SRBD1: variants seen among roughly 807,000 people sequenced by gnomAD.
SRBD1 encodes the protein S1 RNA-binding domain-containing protein 1.
A neutral mutation model predicts 115.3 loss-of-function variants in SRBD1; 88 were observed. The ratio of observed to expected loss-of-function variants is 0.76; its 90% CI spans 0.64 to 0.91. The LOEUF (loss-of-function observed/expected upper bound fraction) is 0.91. Ranked by LOEUF, SRBD1 falls within the 40% of genes least tolerant of loss-of-function variation. The pLI, the probability that SRBD1 is intolerant of heterozygous loss-of-function variation, is 0.00. For missense variants in SRBD1, 1,385 were observed against 1,177.4 expected, an observed-to-expected ratio of 1.18 and a Z score of -2.58; for synonymous variants, 509 against 407.7, an observed-to-expected ratio of 1.25 and a Z score of -2.99.
In SRBD1 at chr2:45,571,457, G is replaced by A. The variant is rs1430635556; in HGVS notation, c.1305+1750C>T. ...CAAGCAGCAACAACAAACAGGGGAG[G>A]GGAGAGAATCTGATTTCCAGAGTTA... On this transcript the variant is annotated intron_variant, in intron 9 of 20. Coordinates refer to ENST00000263736, the MANE Select transcript of SRBD1 (RefSeq NM_018079.5). 4.2e-5 allele frequency among the ~76,000 whole-genome samples: 6 copies of A among 141,898 alleles called. No homozygotes were observed. In the South Asian group the frequency reaches 1.1e-3, roughly 27 times the overall value. 93.1% of individuals were successfully genotyped at this position (141,898 alleles called of 152,430 possible). A position where few individuals can be genotyped will look rare whatever the true frequency, so the allele number is the denominator to read the frequency against.
intron 4 of SRBD1, among the ~76,000 whole-genome samples, chr2:45,598,938 G>A (rs1673994996): frequency 6.6e-6 from 1 of 152,108 alleles, no homozygotes; most frequent in South Asian, 2.1e-4. Flanking sequence ...AAAAAAACTG[G>A]GAGAAATCTG....
In SRBD1 at chr2:45,392,980, C is replaced by T; in HGVS notation, c.2663G>A (p.Gly888Asp). The change falls in exon 20 of 21, where the codon GGT becomes GAT. Residue 888 changes from glycine (G) to aspartate (D), a missense_variant. Coordinates refer to ENST00000263736, the MANE Select transcript of SRBD1 (RefSeq NM_018079.5). ...TVHTLQVIID[G>D]LSQPESFDFR... ...GTCAAAGCTTTCAGGCTGGCTGAGA[C>T]CATCTATGATGACCTGTAAGGTGTG... 6.2e-7 allele frequency: 1 copy of T among 1,611,936 alleles called. No homozygotes were observed. The highest frequency in any genetic ancestry group is 8.5e-7 in the Non-Finnish European group (1 of 1,178,750).
At position 45,555,783 on chromosome 2, in the gene SRBD1, C is replaced by T. The variant is rs193110572; in HGVS notation, c.1410-2053G>A. 1.8e-3 allele frequency among the ~76,000 whole-genome samples: 272 copies of T among 152,158 alleles called. 9 individuals are homozygous for T. In the East Asian group the frequency reaches 0.039, roughly 22 times the overall value. Reference sequence around the variant, plus strand: ...CTGGGATTGCAGGCGTGAGCTACCTCGCCAGGCCCATTAAACTCTTTTCTC... The same window carrying T: ...CTGGGATTGCAGGCGTGAGCTACCTTGCCAGGCCCATTAAACTCTTTTCTC... On this transcript the variant is annotated intron_variant, in intron 10 of 20. Coordinates refer to ENST00000263736, the MANE Select transcript of SRBD1 (RefSeq NM_018079.5).
intron 9 of SRBD1, among the ~76,000 whole-genome samples, chr2:45,569,710 A>G (rs569058027): frequency 1.3e-5 from 2 of 152,244 alleles, no homozygotes; most frequent in Non-Finnish European, 2.9e-5. Context: ...ACCAATAAAG[A>G]AAATAAATAA....
chr2:45,493,811 C>CAAAAA, intron 14 of SRBD1, among the ~76,000 whole-genome samples: 1 of 114,166 alleles, frequency 8.8e-6, no homozygotes, highest in Non-Finnish European at 1.9e-5. Context: ...AACTTCAACT[C>CAAAAA]AAAAAAAAAA....
intron 19 of SRBD1, among the ~76,000 whole-genome samples, chr2:45,395,245 AC>A (rs1410210951): frequency 6.6e-6 from 1 of 152,252 alleles, no homozygotes; most frequent in Non-Finnish European, 1.5e-5. Context: ...CAGAATGTAT[AC>A]TAATGCGCTG....
At chr2:45,492,291 A>AC (rs767250666) in intron 14 of SRBD1, among the ~76,000 whole-genome samples, 1 of 152,232 alleles carries the variant, frequency 6.6e-6, no homozygotes, top group Non-Finnish European at 1.5e-5. Context: ...ATGTTGATGA[A>AC]CCGTTTAAAA....
At chr2:45,474,263 G>C (rs1669738603) in intron 16 of SRBD1, among the ~76,000 whole-genome samples, 1 of 152,058 alleles carries the variant, frequency 6.6e-6, no homozygotes, top group Admixed American at 6.6e-5. Context: ...TGCCTCATTT[G>C]TCTACCATAG....
intron 16 of SRBD1, among the ~76,000 whole-genome samples, chr2:45,438,591 A>G (rs1329581514): frequency 6.6e-6 from 1 of 152,220 alleles, no homozygotes; most frequent in Non-Finnish European, 1.5e-5. Context: ...AAATTATTGA[A>G]TGGGCTTAAC....
At chr2:45,460,556 A>C (rs376954797) in intron 16 of SRBD1, among the ~76,000 whole-genome samples, 3 of 152,198 alleles carry the variant, frequency 2.0e-5, no homozygotes, top group Non-Finnish European at 4.4e-5. Context: ...TCTATTATCT[A>C]TGTTTTAAAA....
intron 19 of SRBD1, among the ~76,000 whole-genome samples, chr2:45,411,746 T>A (rs1667609062): frequency 6.6e-6 from 1 of 152,152 alleles, no homozygotes; most frequent in Non-Finnish European, 1.5e-5. Flanking sequence ...TGTAGTTAAT[T>A]ATATGAATGC....
intron 14 of SRBD1, among the ~76,000 whole-genome samples, chr2:45,510,094 T>C (rs1330378897): frequency 6.6e-6 from 1 of 152,168 alleles, no homozygotes; most frequent in Admixed American, 6.5e-5. Context: ...TCCCCCCAAA[T>C]ACTTGGAGAA....
chr2:45,474,442 G>A (rs902903789), intron 16 of SRBD1, among the ~76,000 whole-genome samples: 1 of 152,196 alleles, frequency 6.6e-6, no homozygotes, highest in East Asian at 1.9e-4. Context: ...TATCTTCTCA[G>A]GATGAGGCTC....
At chr2:45,469,296 TGAAA>T (rs1159254464) in intron 16 of SRBD1, among the ~76,000 whole-genome samples, 14 of 152,304 alleles carry the variant, frequency 9.2e-5, no homozygotes, top group African/African-American at 3.1e-4. Context: ...TTTTAAACAC[TGAAA>T]GTAACTTAAA....
At chr2:45,466,901 C>G (rs570628564) in intron 16 of SRBD1, among the ~76,000 whole-genome samples, 1 of 152,262 alleles carries the variant, frequency 6.6e-6, no homozygotes, top group South Asian at 2.1e-4. Flanking sequence ...CAAAACAGAC[C>G]AGCAGCACAG....
At chr2:45,500,127 G>C (rs760607869) in intron 14 of SRBD1, among the ~76,000 whole-genome samples, 5 of 151,994 alleles carry the variant, frequency 3.3e-5, no homozygotes, top group Non-Finnish European at 5.9e-5. Flanking sequence ...CAATCTAGGA[G>C]CATGGAATAT....
intron 14 of SRBD1, among the ~76,000 whole-genome samples, chr2:45,492,732 C>T (rs1314618585): frequency 6.6e-6 from 1 of 152,258 alleles, no homozygotes; most frequent in Middle Eastern, 3.4e-3. Flanking sequence ...AGCCACTGCG[C>T]CCAGCCAAAA....
chr2:45,521,278 A>G (rs1351118841), intron 14 of SRBD1, among the ~76,000 whole-genome samples: 1 of 123,746 alleles, frequency 8.1e-6, no homozygotes, highest in Non-Finnish European at 1.6e-5. Context: ...CTCAACAACA[A>G]AAAGGAAAAC....
At chr2:45,395,447 G>C (rs1667117828) in intron 19 of SRBD1, among the ~76,000 whole-genome samples, 1 of 152,144 alleles carries the variant, frequency 6.6e-6, no homozygotes. Flanking sequence ...TCTGCCTATA[G>C]TGGTTGCAGA....
Sources: allele counts gnomAD v4.1 joint callset (sites outside exome capture counted in the v4.1 genomes callset), GRCh38; gene constraint gnomAD v4.1.1; transcripts MANE v1.5; gene names NCBI Gene and HGNC (gene_info 2026-07-23, HGNC 2026-07-21).